The following DNAH14 variants were observed in gnomAD, a reference collection of about 807,000 sequenced individuals.
DNAH14 encodes the protein dynein axonemal heavy chain 14, also known as axonemal beta dynein heavy chain 14.
In DNAH14, 478 loss-of-function variants were observed where a neutral mutation model predicts 520.9. That is an observed-to-expected ratio of 0.92 (90% CI 0.85 to 0.99). The LOEUF (loss-of-function observed/expected upper bound fraction) is 0.99. DNAH14 is among the 50% of genes least tolerant of loss of function. DNAH14 has a pLI of 0.00. For synonymous variants in DNAH14, 1,581 were observed against 1,757.2 expected (o/e 0.90, Z 2.51); for missense variants, 4,831 against 5,234.5 (o/e 0.92, Z 2.38).
intron 52 of DNAH14, among the ~76,000 whole-genome samples, chr1:225,273,786 A>T (rs1414302937): frequency 6.6e-6 from 1 of 152,202 alleles, no homozygotes; most frequent in Non-Finnish European, 1.5e-5. Flanking sequence ...CACAAAGGAA[A>T]GTGTTTCAAT....
intron 22 of DNAH14, 30 bp from the exon 23 acceptor site, chr1:225,100,683 A>T: frequency 2.7e-6 from 4 of 1,463,042 alleles, no homozygotes; most frequent in Non-Finnish European, 3.6e-6. Context: ...CTTAAAAAAA[A>T]TAAAATGACA....
chr1:225,057,458 A>AT (rs1558813273), intron 17 of DNAH14, among the ~76,000 whole-genome samples: 9 of 152,208 alleles, frequency 5.9e-5, no homozygotes. Flanking sequence ...TAGATATACA[A>AT]TCATGTCATC....
chr1:225,350,037 CAT>C (rs1346889302), intron 71 of DNAH14, among the ~76,000 whole-genome samples: 2 of 152,152 alleles, frequency 1.3e-5, no homozygotes, highest in South Asian at 2.1e-4. Flanking sequence ...AGATAGACCA[CAT>C]GTTAGACCAT....
intron 3 of DNAH14, among the ~76,000 whole-genome samples, chr1:224,956,981 A>G (rs368482938): frequency 2.8e-4 from 43 of 152,284 alleles, no homozygotes; most frequent in African/African-American, 9.9e-4. Flanking sequence ...TGGCCACGTT[A>G]AGGAATTTTG....
At position 224,955,046 on chromosome 1, in the gene DNAH14, A is replaced by C. The variant is rs369460884; in HGVS notation, c.165A>C (p.Glu55Asp). The change falls in exon 3 of 86, where the codon GAA (glutamate) becomes GAC (aspartate). Residue 55 changes from glutamate to aspartate, a missense_variant. Glu to Asp is a conservative substitution (Grantham distance 45, BLOSUM62 2). Transcript: ENST00000682510. ...AAATAGCAGAAAAGGAAACATTGGAATATAAAACAGTTAGAACATTCTCTG... is the reference window on the plus strand; with the variant it reads ...AAATAGCAGAAAAGGAAACATTGGACTATAAAACAGTTAGAACATTCTCTG... ...PAEIAEKETLEYKTVRTFSES... is the reference protein window; with the variant it reads ...PAEIAEKETLDYKTVRTFSES... 6.2e-7 allele frequency: 1 copy of C among 1,611,926 alleles called. No individual in the cohort carries two copies. Among genetic ancestry groups the C allele is most frequent in the Non-Finnish European group, 8.5e-7 (1 of 1,178,538 alleles).
Position 225,253,858 on chromosome 1 carries a change from T to C in DNAH14, c.6865+1441T>C, listed in dbSNP as rs1172596028. 2.6e-5 allele frequency among the ~76,000 whole-genome samples: 4 copies of C among 152,162 alleles called. No individual in the cohort carries two copies. The East Asian group carries it at 7.7e-4, about 29-fold the overall frequency. On this transcript the variant is annotated intron_variant, in intron 44 of 85. Transcript: ENST00000682510. Reference sequence around the variant, plus strand: ...CATCAATACCCTGTGTGGCATTCACTGCCGCTTGTCACTCCCAACTCTATT... The same window carrying C: ...CATCAATACCCTGTGTGGCATTCACCGCCGCTTGTCACTCCCAACTCTATT...
At chr1:225,224,788 AG>A (rs989288401) in intron 41 of DNAH14, among the ~76,000 whole-genome samples, 6 of 152,200 alleles carry the variant, frequency 3.9e-5, no homozygotes, top group Non-Finnish European at 7.3e-5. Context: ...CAGAGAGCCG[AG>A]GTTGGAGCCT....
chr1:225,038,165 G>A (rs1429097277), intron 11 of DNAH14, among the ~76,000 whole-genome samples: 1 of 152,130 alleles, frequency 6.6e-6, no homozygotes, highest in East Asian at 1.9e-4. Context: ...GGTTTTGTTT[G>A]TCTGGGAAGG....
At chr1:225,218,184 T>C (rs1049180665) in intron 41 of DNAH14, among the ~76,000 whole-genome samples, 5 of 152,168 alleles carry the variant, frequency 3.3e-5, no homozygotes, top group African/African-American at 1.2e-4. Context: ...GGAAAACTAG[T>C]ACCAGCCACT....
intron 23 of DNAH14, among the ~76,000 whole-genome samples, chr1:225,115,733 C>T (rs779993099): frequency 6.6e-6 from 1 of 152,188 alleles, no homozygotes; most frequent in Non-Finnish European, 1.5e-5. Flanking sequence ...ATTTCCAGCA[C>T]ATCTTTAGAC....
At chr1:225,227,570 ATCTC>A (rs964777248) in intron 41 of DNAH14, among the ~76,000 whole-genome samples, 1 of 152,096 alleles carries the variant, frequency 6.6e-6, no homozygotes, top group Non-Finnish European at 1.5e-5. Context: ...TAACAGTCTG[ATCTC>A]TCTTTCTTTC....
intron 10 of DNAH14, among the ~76,000 whole-genome samples, chr1:225,014,535 C>T (rs2147939700): frequency 6.6e-6 from 1 of 152,084 alleles, no homozygotes; most frequent in South Asian, 2.1e-4. Flanking sequence ...CAAAGAATTT[C>T]AAAATTTCAT....
rs373049853 is a variant in DNAH14, at chr1:224,941,530, C to T, written c.-33-11140C>T. 4.6e-5 allele frequency among the ~76,000 whole-genome samples: 7 copies of T among 152,210 alleles called. No homozygotes were observed. In the East Asian group the frequency reaches 5.8e-4, roughly 13 times the overall value. On this transcript the variant is annotated intron_variant, in intron 1 of 85. Coordinates refer to ENST00000682510, the MANE Select transcript of DNAH14 (RefSeq NM_001367479.1). The stretch of plus-strand genomic sequence containing the variant: ...CAGAAGCTCTTTAGTTTAATTAGAT[C>T]CCATTTGTCAATTTTGGCTTTTGTT...
At chr1:224,934,087 A>T (rs2058872390) in intron 1 of DNAH14, among the ~76,000 whole-genome samples, 1 of 152,044 alleles carries the variant, frequency 6.6e-6, no homozygotes, top group Admixed American at 6.6e-5. Context: ...GTTACACCAG[A>T]TGCACAGATA....
At chr1:225,346,717 A>G in intron 71 of DNAH14, 63 bp downstream of exon 71, 1 of 1,290,186 alleles carries the variant, frequency 7.8e-7, no homozygotes. Flanking sequence ...TCCTTCCTCT[A>G]AGGTGCTCCA....
intron 74 of DNAH14, 143 bp from the exon 75 acceptor site, chr1:225,360,538 C>A (rs999137229): frequency 5.1e-6 from 4 of 780,124 alleles, no homozygotes; most frequent in Non-Finnish European, 8.1e-6. Context: ...AATTTAAACT[C>A]TGGGCTCTAA....
At chr1:225,294,803 G>A (rs1055364052) in intron 55 of DNAH14, among the ~76,000 whole-genome samples, 1 of 145,422 alleles carries the variant, frequency 6.9e-6, no homozygotes, top group Non-Finnish European at 1.5e-5. Flanking sequence ...CAGCCTGGGT[G>A]ACAGAGTGAG....
At chr1:224,956,866 A>G (rs2060548492) in intron 3 of DNAH14, among the ~76,000 whole-genome samples, 1 of 152,140 alleles carries the variant, frequency 6.6e-6, no homozygotes. Flanking sequence ...CCCCTCCAAC[A>G]GAGTGAAAAG....
chr1:225,138,052 C>A (rs1411367537), intron 27 of DNAH14, among the ~76,000 whole-genome samples: 2 of 152,104 alleles, frequency 1.3e-5, no homozygotes, highest in Non-Finnish European at 2.9e-5. Flanking sequence ...GGGAGGGCCC[C>A]TCTTCATCTC....
Sources: allele counts gnomAD v4.1 joint callset (sites outside exome capture counted in the v4.1 genomes callset), GRCh38; gene constraint gnomAD v4.1.1; transcripts MANE v1.5; gene names NCBI Gene and HGNC (gene_info 2026-07-23, HGNC 2026-07-21).